CLCC1: variants seen among roughly 807,000 people sequenced by gnomAD.
CLCC1 encodes chloride channel CLIC-like protein 1.
Under a neutral mutation model 63.3 loss-of-function variants are expected in CLCC1, and 39 were observed. The ratio of observed to expected loss-of-function variants is 0.62; its 90% CI spans 0.48 to 0.81. CLCC1 has a LOEUF of 0.81. Ranked by LOEUF, CLCC1 falls within the 30% of genes least tolerant of loss-of-function variation. The pLI is 0.00. For synonymous variants in CLCC1, 217 were observed against 239.8 expected (o/e 0.90, Z 0.88); for missense variants, 549 against 669.4 (o/e 0.82, Z 1.98).
At chr1:108,944,839 C>T (rs1654334551) in intron 5 of CLCC1, among the ~76,000 whole-genome samples, 1 of 152,108 alleles carries the variant, frequency 6.6e-6, no homozygotes, top group Non-Finnish European at 1.5e-5. Context: ...CCGCATTAGC[C>T]AGGATGGTCT....
chr1:108,945,480 A>G (rs757589015), intron 5 of CLCC1, among the ~76,000 whole-genome samples: 2 of 152,258 alleles, frequency 1.3e-5, no homozygotes, highest in Non-Finnish European at 2.9e-5. Flanking sequence ...GAATGCCTGC[A>G]ACAGGCAACC....
chr1:108,939,303 T>G (rs12044415), intron 10 of CLCC1, among the ~76,000 whole-genome samples: 21 of 146,112 alleles, frequency 1.4e-4, no homozygotes, highest in African/African-American at 4.7e-4. Context: ...TATACATATA[T>G]GTATAATTTT....
intron 8 of CLCC1, among the ~76,000 whole-genome samples, chr1:108,940,475 G>A (rs1199540395): frequency 2.0e-5 from 3 of 152,112 alleles, no homozygotes; most frequent in Admixed American, 2.0e-4. Context: ...TAAGACTGGT[G>A]GATTGTATCA....
chr1:108,953,441 G>A (rs947782547), intron 2 of CLCC1, among the ~76,000 whole-genome samples: 7 of 152,174 alleles, frequency 4.6e-5, no homozygotes, highest in Admixed American at 2.0e-4. Context: ...TTAGGACCCA[G>A]GCACTTCGAT....
rs1157154395 is a variant in CLCC1 at position 108,945,258 on chromosome 1, A to G, written c.340-1201T>C. Among the ~76,000 whole-genome samples, 8 of 152,310 alleles carry G rather than the reference A, an allele frequency of 5.3e-5. No homozygotes were observed. In the East Asian group the frequency reaches 9.6e-4, roughly 18 times the overall value. On this transcript the variant is annotated intron_variant, in intron 5 of 12. Transcript: ENST00000369969. Reference sequence around the variant, plus strand: ...CTTGCACTTAGAAACACTAGACCTCAGCTCAGCACTACATCAGAGGGCCGT... The same window carrying G: ...CTTGCACTTAGAAACACTAGACCTCGGCTCAGCACTACATCAGAGGGCCGT...
At chr1:108,944,932 C>T (rs1487154182) in intron 5 of CLCC1, among the ~76,000 whole-genome samples, 1 of 152,088 alleles carries the variant, frequency 6.6e-6, no homozygotes, top group East Asian at 1.9e-4. Context: ...CCCGGCCTCA[C>T]AGTAGTTATC....
At chr1:108,934,569 T>C in intron 12 of CLCC1, 56 bp downstream of exon 12, 1 of 1,394,746 alleles carries the variant, frequency 7.2e-7, no homozygotes, top group South Asian at 1.4e-5. Flanking sequence ...GTTGGCACCT[T>C]TGTAGTAATC....
chr1:108,941,443 A>G lies in CLCC1; in HGVS notation c.758T>C (p.Val253Ala). ...EVAKMEPLNN[V>A]CAKKMDWTGS... ...AGTCCAGTCCATCTTTTTGGCACAC[A>G]CATTGTTTAATGGCTCCATCTTGGC... is the stretch of plus-strand genomic sequence containing the variant. Residue 253 changes from valine to alanine, a missense_variant, in exon 8 of 13, where the codon GTG becomes GCG. Coordinates refer to ENST00000369969, the MANE Select transcript of CLCC1 (RefSeq NM_001377458.1). The G allele has an allele frequency of 6.2e-7, 1 of 1,614,094 alleles. No individual in the cohort carries two copies. The highest frequency in any genetic ancestry group is 8.5e-7 in the Non-Finnish European group (1 of 1,180,008).
Position 108,947,599 on chromosome 1 carries a change from T to C in CLCC1, c.339+12A>G. Reference sequence around the variant, plus strand: ...CACTATACGGATTAGTATCACACCATCAAATACTCACAAGTCCAAGCTTTC... The same window carrying C: ...CACTATACGGATTAGTATCACACCACCAAATACTCACAAGTCCAAGCTTTC... On this transcript the variant is annotated intron_variant, in intron 5 of 12. Transcript: ENST00000369969. 6.8e-7 allele frequency: 1 copy of C among 1,476,512 alleles called. No homozygotes were observed. The highest frequency in any genetic ancestry group is 1.2e-5 in the South Asian group (1 of 85,974). The allele number at this position is 1,476,512 out of a possible 1,614,324, so 91.5% of individuals were successfully genotyped here.
rs547549467 is a variant in CLCC1, at chr1:108,937,075, A to C, written c.1383+2T>G. 2.7e-6 allele frequency: 4 copies of C among 1,490,214 alleles called. No individual in the cohort carries two copies. Among genetic ancestry groups the C allele is most frequent in the Non-Finnish European group, 3.6e-6 (4 of 1,120,038 alleles). 92.3% of individuals were successfully genotyped at this position (1,490,214 alleles called of 1,614,324 possible). ...AGCAGAATAAAAGAGTTGCTGACTT[A>C]CACTGGGTACCACCGTGGGATGCTC... On this transcript the variant is annotated splice_donor_variant, in intron 11 of 12. Coordinates refer to ENST00000369969, the MANE Select transcript of CLCC1 (RefSeq NM_001377458.1). LOFTEE classifies it high-confidence loss of function.
At chr1:108,963,081 GC>G (rs945243462) in intron 1 of CLCC1, among the ~76,000 whole-genome samples, 4 of 152,194 alleles carry the variant, frequency 2.6e-5, no homozygotes, top group African/African-American at 9.7e-5. Context: ...GTCTCGCTTT[GC>G]CCTCGCTGTG....
rs892884970 is a variant in CLCC1, at chr1:108,950,354, G to A, written c.84C>T (p.Asp28=). ...CTGAAGCAGCATCATAGTTAAGCATGTCTGTGGGGTCAATCCAGTCATCAT... is the reference window on the plus strand; with the variant it reads ...CTGAAGCAGCATCATAGTTAAGCATATCTGTGGGGTCAATCCAGTCATCAT... ...AHDDDWIDPT[D]MLNYDAASGT... Residue 28 remains aspartate, a synonymous_variant, in exon 3 of 13, where the codon GAC becomes GAT. Coordinates refer to ENST00000369969, the MANE Select transcript of CLCC1 (RefSeq NM_001377458.1). 33 of 1,613,204 alleles carry A rather than the reference G, an allele frequency of 2.0e-5. No individual in the cohort carries two copies. The highest frequency in any genetic ancestry group is 2.7e-5 in the Non-Finnish European group (32 of 1,179,622).
intron 2 of CLCC1, among the ~76,000 whole-genome samples, chr1:108,955,368 G>C (rs745628498): frequency 9.9e-5 from 15 of 151,542 alleles, no homozygotes; most frequent in Non-Finnish European, 1.8e-4. Context: ...ATCTAAGACG[G>C]TCACAAATGC....
At chr1:108,958,708 G>A (rs1279739349) in intron 2 of CLCC1, among the ~76,000 whole-genome samples, 1 of 150,444 alleles carries the variant, frequency 6.6e-6, no homozygotes, top group Non-Finnish European at 1.5e-5. Context: ...GCGAAACCCC[G>A]TCTCTACTAA....
At position 108,962,392 on chromosome 1, in the gene CLCC1, T is replaced by C. The variant is rs1402517435; in HGVS notation, c.-95A>G. ...GGCTGCAACTTATTTCGTATGCTTA[T>C]GCAGTTTCTTGGAACCATGGCTCTC... On this transcript the variant is annotated 5_prime_UTR_variant, in exon 2 of 13. Coordinates refer to ENST00000369969, the MANE Select transcript of CLCC1 (RefSeq NM_001377458.1). 1 of 152,232 alleles carries C rather than the reference T, an allele frequency of 6.6e-6. No individual in the cohort carries two copies. The highest frequency in any genetic ancestry group is 2.4e-5 in the African/African-American group (1 of 41,456). 9.4% of individuals were successfully genotyped at this position (152,232 alleles called of 1,614,324 possible). A position where few individuals can be genotyped will look rare whatever the true frequency, so the allele number is the denominator to read the frequency against.
intron 5 of CLCC1, among the ~76,000 whole-genome samples, chr1:108,946,138 G>C (rs1236190649): frequency 1.3e-5 from 2 of 152,080 alleles, no homozygotes; most frequent in African/African-American, 4.8e-5. Flanking sequence ...GTGAAACCCT[G>C]TCTCTACTGA....
chr1:108,934,765 C>T lies in CLCC1; in HGVS notation c.1561G>A (p.Ala521Thr). 2 of 1,614,186 alleles carry T rather than the reference C, an allele frequency of 1.2e-6. No individual in the cohort carries two copies. The highest frequency in any genetic ancestry group is 1.7e-6 in the Non-Finnish European group (2 of 1,180,040). Residue 521 changes from alanine (A) to threonine (T), a missense_variant, in exon 12 of 13, where the codon GCC (alanine) becomes ACC (threonine). Coordinates refer to ENST00000369969, the MANE Select transcript of CLCC1 (RefSeq NM_001377458.1). ...CTGCCTTGGTCTGGGCTGCCTGCGGCTTCAGACTTGAGCTGGGCCTTTTCC... is the reference window on the plus strand; with the variant it reads ...CTGCCTTGGTCTGGGCTGCCTGCGGTTTCAGACTTGAGCTGGGCCTTTTCC... ...AAEKAQLKSE[A>T]AGSPDQGSTY...
chr1:108,943,609 G>T lies in CLCC1; in HGVS notation c.568C>A (p.Leu190Ile). 1 of 1,575,034 alleles carries T rather than the reference G, an allele frequency of 6.3e-7. No homozygotes were observed. The highest frequency in any genetic ancestry group is 1.8e-5 in the Admixed American group (1 of 55,842). The part of the protein sequence containing the change: ...VDPYNVLMVL[L>I]CLLCIVVLVA... ...AAAACCACGATGCAGAGCAGACAAAGAAGTACCTTAAAACAGAGAGAAGCA... is the reference window on the plus strand; with the variant it reads ...AAAACCACGATGCAGAGCAGACAAATAAGTACCTTAAAACAGAGAGAAGCA... Residue 190 changes from leucine (L) to isoleucine (I), a missense_variant, in exon 7 of 13, where the codon CTT becomes ATT. By Grantham distance (5) the Leu-to-Ile change is conservative (BLOSUM62 2). Transcript: ENST00000369969.
intron 5 of CLCC1, among the ~76,000 whole-genome samples, chr1:108,944,408 G>A (rs55703415): frequency 0.04 from 6,086 of 152,046 alleles, 147 homozygotes; most frequent in Middle Eastern, 0.11. Flanking sequence ...ATTCGAGGCT[G>A]CAGTAAGCTA....
Sources: gnomAD v4.1 joint callset for allele counts (sites outside exome capture counted in the v4.1 genomes callset) on GRCh38, gnomAD v4.1.1 for gene constraint, MANE v1.5 for transcripts, NCBI Gene and HGNC (gene_info 2026-07-23, HGNC 2026-07-21) for gene names.